MPP7: variants seen among roughly 807,000 people sequenced by gnomAD.
MPP7 encodes the protein MAGUK p55 subfamily member 7.
A neutral mutation model predicts 76.5 loss-of-function variants in MPP7; 60 were observed. The ratio of observed to expected loss-of-function variants is 0.78; its 90% CI spans 0.64 to 0.97. The LOEUF (loss-of-function observed/expected upper bound fraction) is 0.97, where lower values mean the gene tolerates loss of function less well. MPP7 is among the 50% of genes least tolerant of loss of function. The pLI is 0.00. For synonymous variants in MPP7, 237 were observed against 244.5 expected, an observed-to-expected ratio of 0.97 and a Z score of 0.29; for missense variants, 641 against 694.0, an observed-to-expected ratio of 0.92 and a Z score of 0.86.
chr10:28,319,189 G>A (rs908083632), intron 2 of MPP7, among the ~76,000 whole-genome samples: 1 of 152,132 alleles, frequency 6.6e-6, no homozygotes, highest in Non-Finnish European at 1.5e-5. Flanking sequence ...GGGTGAAGGG[G>A]TAGGTGCTAC....
intron 3 of MPP7, among the ~76,000 whole-genome samples, chr10:28,188,470 T>C (rs1372018948): frequency 1.3e-5 from 2 of 152,124 alleles, no homozygotes; most frequent in Non-Finnish European, 2.9e-5. Context: ...CCTGTGCTTA[T>C]AATAGGCTAA....
chr10:28,288,329 T>G (rs1342408766), intron 1 of MPP7, among the ~76,000 whole-genome samples: 2 of 152,118 alleles, frequency 1.3e-5, no homozygotes, highest in Non-Finnish European at 2.9e-5. Context: ...AGCCTCAACC[T>G]CCTGGGCTCA....
chr10:28,236,278 T>A (rs888394878), intron 2 of MPP7, among the ~76,000 whole-genome samples: 9 of 152,054 alleles, frequency 5.9e-5, no homozygotes, highest in African/African-American at 1.9e-4. Flanking sequence ...TAAACAGCAA[T>A]ATGATGGAAA....
intron 2 of MPP7, among the ~76,000 whole-genome samples, chr10:28,217,731 G>A (rs1368770001): frequency 6.6e-6 from 1 of 152,042 alleles, no homozygotes; most frequent in Non-Finnish European, 1.5e-5. Flanking sequence ...AAGAAGCCAG[G>A]AAACATATTT....
At chr10:28,261,228 T>C (rs548557726) in intron 1 of MPP7, among the ~76,000 whole-genome samples, 8 of 152,320 alleles carry the variant, frequency 5.3e-5, no homozygotes, top group Admixed American at 1.3e-4. Flanking sequence ...CTGTGAACAC[T>C]TTCCTTCCTA....
At chr10:28,155,854 C>A (rs574073030) in intron 3 of MPP7, among the ~76,000 whole-genome samples, 1 of 152,098 alleles carries the variant, frequency 6.6e-6, no homozygotes, top group Admixed American at 6.5e-5. Context: ...CCTTTCTTTG[C>A]AAACACAATG....
chr10:28,178,060 C>T (rs1836935062), intron 3 of MPP7, among the ~76,000 whole-genome samples: 1 of 152,122 alleles, frequency 6.6e-6, no homozygotes. Flanking sequence ...ATTTTTCATC[C>T]TTTCCCTCTG....
At chr10:28,104,738 G>A (rs1369421859) in intron 11 of MPP7, among the ~76,000 whole-genome samples, 1 of 152,000 alleles carries the variant, frequency 6.6e-6, no homozygotes, top group African/African-American at 2.4e-5. Flanking sequence ...CACTGTGGAA[G>A]GATGTATTCT....
chr10:28,174,827 T>C (rs1836804097), intron 3 of MPP7, among the ~76,000 whole-genome samples: 2 of 152,170 alleles, frequency 1.3e-5, no homozygotes, highest in African/African-American at 4.8e-5. Context: ...TCAGAAATGG[T>C]AAAAATGTCC....
chr10:28,250,734 C>G (rs1324611087), intron 1 of MPP7, among the ~76,000 whole-genome samples: 1 of 152,186 alleles, frequency 6.6e-6, no homozygotes, highest in Non-Finnish European at 1.5e-5. Context: ...AACTACAACC[C>G]TGAACACACT....
chr10:28,055,022 G>A (rs1564607370), intron 16 of MPP7, among the ~76,000 whole-genome samples: 1 of 152,096 alleles, frequency 6.6e-6, no homozygotes, highest in Admixed American at 6.6e-5. Flanking sequence ...TGTTTCAGGA[G>A]CCTTCGTGTC....
intron 1 of MPP7, among the ~76,000 whole-genome samples, chr10:28,279,623 T>C (rs562358900): frequency 6.6e-6 from 1 of 151,588 alleles, no homozygotes; most frequent in South Asian, 2.1e-4. Flanking sequence ...TAGAATCACT[T>C]GAACCCAGGA....
intron 7 of MPP7, among the ~76,000 whole-genome samples, chr10:28,124,466 ATTTTTTTTTT>A (rs5784042): frequency 5.0e-5 from 4 of 80,082 alleles, no homozygotes; most frequent in Non-Finnish European, 6.5e-5. Context: ...AAGAAACAAG[ATTTTTTTTTT>A]TTTTTTTTTT....
At chr10:28,173,681 C>A (rs1836763150) in intron 3 of MPP7, among the ~76,000 whole-genome samples, 1 of 152,168 alleles carries the variant, frequency 6.6e-6, no homozygotes, top group Admixed American at 6.5e-5. Flanking sequence ...ACAAAGATAA[C>A]CCGCAACCCC....
At chr10:28,321,585 T>A (rs1246203712) in intron 2 of MPP7, among the ~76,000 whole-genome samples, 1 of 152,094 alleles carries the variant, frequency 6.6e-6, no homozygotes, top group Non-Finnish European at 1.5e-5. Context: ...TTAATAGAAA[T>A]TTTTTTGTTT....
chr10:28,179,143 A>C (rs1836973883), intron 3 of MPP7, among the ~76,000 whole-genome samples: 1 of 152,184 alleles, frequency 6.6e-6, no homozygotes, highest in Non-Finnish European at 1.5e-5. Flanking sequence ...GCAACCCCAC[A>C]CTAACCTCAT....
At chr10:28,218,020 T>C (rs1019516625) in intron 2 of MPP7, among the ~76,000 whole-genome samples, 3 of 152,238 alleles carry the variant, frequency 2.0e-5, no homozygotes, top group Admixed American at 2.0e-4. Flanking sequence ...TCATAGCTCC[T>C]CATGGAGACT....
chr10:28,102,541 G>A (rs1399071269), intron 11 of MPP7, among the ~76,000 whole-genome samples: 1 of 152,096 alleles, frequency 6.6e-6, no homozygotes, highest in Non-Finnish European at 1.5e-5. Flanking sequence ...TTTAAATCTT[G>A]GAGTGTCATA....
At chr10:28,239,417 G>C (rs558829212) in intron 1 of MPP7, among the ~76,000 whole-genome samples, 2 of 152,110 alleles carry the variant, frequency 1.3e-5, no homozygotes, top group Admixed American at 1.3e-4. Context: ...AAAGTGCTGG[G>C]ATTACAGGTG....
Sources: allele counts gnomAD v4.1 joint callset (sites outside exome capture counted in the v4.1 genomes callset), GRCh38; gene constraint gnomAD v4.1.1; transcripts MANE v1.5; gene names NCBI Gene and HGNC (gene_info 2026-07-23, HGNC 2026-07-21).